The following ABCA3 variants were observed in gnomAD, a reference collection of about 807,000 sequenced individuals.
ABCA3 encodes the protein phospholipid-transporting ATPase ABCA3.
A neutral mutation model predicts 172.8 loss-of-function variants in ABCA3; 88 were observed. The observed-to-expected ratio is 0.51, with a 90% CI of 0.43 to 0.61. The LOEUF (loss-of-function observed/expected upper bound fraction) is 0.61, where lower values mean the gene tolerates loss of function less well. Ranked by LOEUF, ABCA3 falls within the 20% of genes least tolerant of loss-of-function variation. ABCA3 has a pLI of 0.00. For synonymous variants in ABCA3, 1,066 were observed against 983.8 expected, an observed-to-expected ratio of 1.08 and a Z score of -1.56; for missense variants, 2,164 against 2,301.0, an observed-to-expected ratio of 0.94 and a Z score of 1.22.
chr16:2,276,495 T>C lies in ABCA3; in HGVS notation c.*179A>G, dbSNP rs2141686156. The C allele has an allele frequency of 9.5e-7, 1 of 1,053,844 alleles. No individual in the cohort carries two copies. The highest frequency in any genetic ancestry group is 1.4e-6 in the Non-Finnish European group (1 of 725,088). The allele number at this position is 1,053,844 out of a possible 1,614,324, so 65.3% of individuals were successfully genotyped here. On this transcript the variant is annotated 3_prime_UTR_variant, in exon 33 of 33. Transcript: ENST00000301732. ...GACATGGAGATGCGCATGCTGATCCTGGGCATGAGGGCTGGGCTGCACTCG... is the reference window on the plus strand; with the variant it reads ...GACATGGAGATGCGCATGCTGATCCCGGGCATGAGGGCTGGGCTGCACTCG...
chr16:2,286,801 C>G lies in ABCA3; in HGVS notation c.3171G>C (p.Val1057=). 6.2e-7 allele frequency: 1 copy of G among 1,614,114 alleles called. No homozygotes were observed. The highest frequency in any genetic ancestry group is 8.5e-7 in the Non-Finnish European group (1 of 1,180,032). Residue 1057 remains valine (V), a synonymous_variant, in exon 22 of 33, where the codon GTG becomes GTC. Transcript: ENST00000301732. This position sits in a 1 kb window ranked among gnomAD's most constrained non-coding sequence, Gnocchi z 5.2. The stretch of plus-strand genomic sequence containing the variant: ...ACAGCAGCTTGAACAGAAGGTTGTC[C>G]ACGACGGCCAGGGCAGTGGCTGGAG... The part of the protein sequence containing the change: ...YHSPATALAV[V]DNLLFKLLCG...
chr16:2,298,977 T>C (rs2093684545), intron 14 of ABCA3, among the ~76,000 whole-genome samples: 1 of 152,114 alleles, frequency 6.6e-6, no homozygotes, highest in Non-Finnish European at 1.5e-5. Flanking sequence ...GCCTCTGTTT[T>C]CACTGACCCT....
Position 2,277,967 on chromosome 16 carries a change from G to A in ABCA3, c.4821C>T (p.Ser1607=), listed in dbSNP as rs771592123. The A allele has an allele frequency of 2.0e-5, 33 of 1,612,852 alleles. No individual in the cohort carries two copies. Among genetic ancestry groups the A allele is most frequent in the Middle Eastern group, 1.7e-4 (1 of 5,776 alleles). The change falls in exon 31 of 33, where the codon AGC becomes AGT. Residue 1607 remains serine (S), a synonymous_variant. Coordinates refer to ENST00000301732, the MANE Select transcript of ABCA3 (RefSeq NM_001089.3). The surrounding 1 kb of genome is among the most constrained non-coding windows in gnomAD (Gnocchi z 5.3). ...GCACCTTGGCCCGCAGGGAGTAGCC[G>A]CTGCCGAACTTGCTCTTGAGGTGCT... is the stretch of plus-strand genomic sequence containing the variant. ...SPQHLKSKFG[S]GYSLRAKVQS... is the part of the protein sequence containing the mutation.
Position 2,284,680 on chromosome 16 carries a change from T to G in ABCA3, c.3703+99A>C. 7.3e-7 allele frequency: 1 copy of G among 1,364,966 alleles called. No homozygotes were observed. The highest frequency in any genetic ancestry group is 1.0e-6 in the Non-Finnish European group (1 of 986,562). 84.6% of individuals were successfully genotyped at this position (1,364,966 alleles called of 1,614,324 possible). On this transcript the variant is annotated intron_variant, in intron 24 of 32. Transcript: ENST00000301732. The surrounding 1 kb of genome is among the most constrained non-coding windows in gnomAD (Gnocchi z 5.9). ...GCTGGTGAGCATGAACTGGGCCCAT[T>G]GCCTGAGTCCCGCCTCGGCTGTGGC... is the stretch of plus-strand genomic sequence containing the variant.
rs1260741642 is a variant in ABCA3 at position 2,324,385 on chromosome 16, G to A, written c.447+19C>T. On this transcript the variant is annotated intron_variant, in intron 6 of 32. Coordinates refer to ENST00000301732, the MANE Select transcript of ABCA3 (RefSeq NM_001089.3). ...CTTGCTGATGGGCTGTGACTGCTCG[G>A]CCCGGCCGCACGTCTCACCGCCAGC... is the stretch of plus-strand genomic sequence containing the variant. The A allele has an allele frequency of 2.5e-6, 4 of 1,578,096 alleles. No homozygotes were observed. The highest frequency in any genetic ancestry group is 3.6e-5 in the Admixed American group (2 of 55,694).
Position 2,285,411 on chromosome 16 carries a change from G to A in ABCA3, c.3483+31C>T, listed in dbSNP as rs2093661444. On this transcript the variant is annotated intron_variant, in intron 23 of 32. Coordinates refer to ENST00000301732, the MANE Select transcript of ABCA3 (RefSeq NM_001089.3). The surrounding 1 kb of genome is among the most constrained non-coding windows in gnomAD (Gnocchi z 4.7). ...AGGGCAAGCCCTCTGCGGTCTGCAG[G>A]GGAACGGATCCAGCACCCTCCGGCG... 2 of 1,582,190 alleles carry A rather than the reference G, an allele frequency of 1.3e-6. No individual in the cohort carries two copies. Among genetic ancestry groups the A allele is most frequent in the Non-Finnish European group, 1.7e-6 (2 of 1,163,932 alleles).
chr16:2,276,482 C>G lies in ABCA3; in HGVS notation c.*192G>C. ...TCCAGAGTATGCAGACATGGAGATG[C>G]GCATGCTGATCCTGGGCATGAGGGC... On this transcript the variant is annotated 3_prime_UTR_variant, in exon 33 of 33. Transcript: ENST00000301732. 2.1e-6 allele frequency: 2 copies of G among 953,956 alleles called. No homozygotes were observed. Among genetic ancestry groups the G allele is most frequent in the Non-Finnish European group, 3.2e-6 (2 of 634,916 alleles). The allele number at this position is 953,956 out of a possible 1,614,324, so 59.1% of individuals were successfully genotyped here.
chr16:2,324,580 C>T lies in ABCA3; in HGVS notation c.320-49G>A, dbSNP rs778801106. The T allele has an allele frequency of 1.9e-6, 3 of 1,602,146 alleles. No homozygotes were observed. In the African/African-American group the frequency reaches 4.0e-5, roughly 21 times the overall value. ...TGTGGTTGCCCAATCGGCCCTCCTG[C>T]TTGAAAAATCTGCGTGGTTCAGGTC... On this transcript the variant is annotated intron_variant, in intron 5 of 32. Coordinates refer to ENST00000301732, the MANE Select transcript of ABCA3 (RefSeq NM_001089.3).
At chr16:2,315,839 C>CTTTTTTT (rs536716259) in intron 10 of ABCA3, among the ~76,000 whole-genome samples, 10 of 104,846 alleles carry the variant, frequency 9.5e-5, no homozygotes, top group Non-Finnish European at 1.7e-4. Flanking sequence ...AATTTTTAAA[C>CTTTTTTT]TTTTTTTTTT....
rs746805427 is a variant in ABCA3 at position 2,326,112 on chromosome 16, G to A, written c.217C>T (p.Pro73Ser). 1 of 1,614,168 alleles carries A rather than the reference G, an allele frequency of 6.2e-7. No individual in the cohort carries two copies. Among genetic ancestry groups the A allele is most frequent in the South Asian group, 1.1e-5 (1 of 91,090 alleles). ...GCAAGCTCCCAGGTGTCTCCTGGCG[G>A]AGGGAAGGTGAAGAACAGAGGCAGC... ...QELPLFFTFP[P>S]PGDTWELAYI... Residue 73 changes from proline (P) to serine (S), a missense_variant, in exon 5 of 33, where the codon CCG (proline) becomes TCG (serine). This residue lies in a region of ABCA3 where 1,343 missense variants were observed against 1,369.6 expected (regional missense o/e 0.98). Transcript: ENST00000301732.
In ABCA3 at chr16:2,317,362, G is replaced by T. The variant is rs2093717610; in HGVS notation, c.1032C>A (p.Ser344=). 7 of 1,613,954 alleles carry T rather than the reference G, an allele frequency of 4.3e-6. No individual in the cohort carries two copies. The highest frequency in any genetic ancestry group is 5.9e-6 in the Non-Finnish European group (7 of 1,180,048). The change falls in exon 10 of 33, where the codon TCC becomes TCA. Residue 344 remains serine (S), a synonymous_variant. Transcript: ENST00000301732. ...NVAVLSRSDP[S]LVLAFLLCFA... is the part of the protein sequence containing the mutation. ...AGCACAGCAGGAAGGCGAGCACCAG[G>T]GAGGGGTCGCTGCGGGACAGCACGG...
At chr16:2,280,260 TATA>T (rs1300211273) in intron 28 of ABCA3, among the ~76,000 whole-genome samples, 1 of 152,246 alleles carries the variant, frequency 6.6e-6, no homozygotes, top group Non-Finnish European at 1.5e-5. Flanking sequence ...ACAGTGAGTT[TATA>T]ATCTTTTATA....
chr16:2,300,986 T>C (rs1388727074), intron 12 of ABCA3, among the ~76,000 whole-genome samples: 2 of 150,096 alleles, frequency 1.3e-5, no homozygotes, highest in African/African-American at 5.1e-5. Flanking sequence ...ATCCCAGCAC[T>C]TTGGGAGGCC....
At chr16:2,324,260 C>T (rs1005651179) in intron 6 of ABCA3, 144 bp downstream of exon 6, 1 of 1,244,396 alleles carries the variant, frequency 8.0e-7, no homozygotes, top group South Asian at 1.4e-5. Context: ...TATTATCAGA[C>T]CCAAAGGAGT....
chr16:2,288,357 C>A (rs372417253), intron 20 of ABCA3, 28 bp from the exon 21 acceptor site: 8 of 1,536,374 alleles, frequency 5.2e-6, no homozygotes, highest in Non-Finnish European at 7.0e-6. Flanking sequence ...CAGGTGACAC[C>A]GGCACCGCTT....
Position 2,278,399 on chromosome 16 carries a change from A to G in ABCA3, c.4607T>C (p.Ile1536Thr). The G allele has an allele frequency of 3.1e-6, 5 of 1,612,800 alleles. No homozygotes were observed. Among genetic ancestry groups the G allele is most frequent in the Non-Finnish European group, 4.2e-6 (5 of 1,179,970 alleles). The stretch of plus-strand genomic sequence containing the variant: ...GCCAGTGGACGGCTCGTCCAGGAAG[A>G]TGACAGCAGGCTCTCCGATCAGGGC... Reference protein sequence around the residue: ...GIALIGEPAVIFLDEPSTGMD... With the variant: ...GIALIGEPAVTFLDEPSTGMD... Residue 1536 changes from isoleucine to threonine, a missense_variant, in exon 30 of 33, where the codon ATC becomes ACC. Physicochemically the swap from Ile to Thr is moderately conservative, Grantham distance 89. This residue lies in a region of ABCA3 where 795 missense variants were observed against 881.9 expected (regional missense o/e 0.90). Coordinates refer to ENST00000301732, the MANE Select transcript of ABCA3 (RefSeq NM_001089.3). The surrounding 1 kb of genome is among the most constrained non-coding windows in gnomAD (Gnocchi z 4.4).
intron 20 of ABCA3, 35 bp downstream of exon 20, chr16:2,289,399 T>TCCCCCCCCC: frequency 3.9e-6 from 6 of 1,544,336 alleles, no homozygotes; most frequent in East Asian, 4.7e-5. Context: ...TGCTCGCCCT[T>TCCCCCCCCC]CCCCCGCCAC....
At chr16:2,303,060 A>T (rs1286807933) in intron 12 of ABCA3, among the ~76,000 whole-genome samples, 1 of 152,036 alleles carries the variant, frequency 6.6e-6, no homozygotes, top group Non-Finnish European at 1.5e-5. Context: ...TGGCCTCCCA[A>T]AGTGCTGGGA....
In ABCA3 at chr16:2,297,672, G is replaced by C; in HGVS notation, c.2052+94C>G. ...CCAAGGATGGTGATGGCCTTGTCTGGGGTGTCAAGGGCCAAGGTGCCCGGG... is the reference window on the plus strand; with the variant it reads ...CCAAGGATGGTGATGGCCTTGTCTGCGGTGTCAAGGGCCAAGGTGCCCGGG... On this transcript the variant is annotated intron_variant, in intron 16 of 32. Coordinates refer to ENST00000301732, the MANE Select transcript of ABCA3 (RefSeq NM_001089.3). The surrounding 1 kb of genome is among the most constrained non-coding windows in gnomAD (Gnocchi z 5.6). The C allele has an allele frequency of 3.8e-6, 6 of 1,590,186 alleles. No homozygotes were observed. The highest frequency in any genetic ancestry group is 5.1e-6 in the Non-Finnish European group (6 of 1,171,850).
Sources: allele counts gnomAD v4.1 joint callset (sites outside exome capture counted in the v4.1 genomes callset), GRCh38; gene constraint gnomAD v4.1.1; regional missense constraint gnomAD v4.1.1; non-coding constraint Gnocchi (gnomAD v3.1); transcripts MANE v1.5; gene names NCBI Gene and HGNC (gene_info 2026-07-23, HGNC 2026-07-21).